PTPRK: variants seen among roughly 807,000 people sequenced by gnomAD.
PTPRK encodes receptor-type tyrosine-protein phosphatase kappa.
In PTPRK, 75 loss-of-function variants were observed where a neutral mutation model predicts 178.0. That is an observed-to-expected ratio of 0.42 (90% CI 0.35 to 0.51). The LOEUF is 0.51. PTPRK is among the 20% of genes least tolerant of loss of function. PTPRK has a pLI of 0.02. For missense variants in PTPRK, 1,441 were observed against 1,797.8 expected (o/e 0.80, Z 3.59); for synonymous variants, 637 against 620.6 (o/e 1.03, Z -0.39).
chr6:128,079,926 A>G (rs1784514650), intron 10 of PTPRK, among the ~76,000 whole-genome samples: 1 of 151,752 alleles, frequency 6.6e-6, no homozygotes, highest in Non-Finnish European at 1.5e-5. Flanking sequence ...TAGCCCCTCT[A>G]CCCTAGAGTT....
chr6:128,158,192 T>C (rs562706288), intron 7 of PTPRK, among the ~76,000 whole-genome samples: 1 of 151,682 alleles, frequency 6.6e-6, no homozygotes, highest in South Asian at 2.1e-4. Flanking sequence ...TTCTCACTCA[T>C]AGGTGGGAAT....
chr6:128,035,456 G>C (rs1339268907), intron 13 of PTPRK, among the ~76,000 whole-genome samples: 1 of 152,040 alleles, frequency 6.6e-6, no homozygotes, highest in Non-Finnish European at 1.5e-5. Flanking sequence ...ATGTCATCTG[G>C]ACACAAAACG....
intron 7 of PTPRK, among the ~76,000 whole-genome samples, chr6:128,156,141 TTAAAC>T (rs1472680422): frequency 1.3e-5 from 2 of 151,942 alleles, no homozygotes; most frequent in Non-Finnish European, 2.9e-5. Context: ...TATGTATTCT[TTAAAC>T]TATATGTCAT....
intron 14 of PTPRK, chr6:128,007,998 G>C: frequency 2.5e-6 from 3 of 1,214,306 alleles, no homozygotes; most frequent in Non-Finnish European, 3.4e-6. Flanking sequence ...CACTATTTGG[G>C]GAAAGCACGT....
chr6:128,332,203 G>A (rs910521043), intron 2 of PTPRK, among the ~76,000 whole-genome samples: 6 of 152,064 alleles, frequency 3.9e-5, no homozygotes, highest in Non-Finnish European at 7.4e-5. Context: ...TTACTTTGAC[G>A]AACAAAATTT....
rs1440214368 is a variant in PTPRK at position 128,463,770 on chromosome 6, A to G, written c.100+56489T>C. On this transcript the variant is annotated intron_variant, in intron 1 of 29. Transcript: ENST00000368226. Reference sequence around the variant, plus strand: ...TTTTTTTTTTTTTTTTTTTTTTTTGAGACAGAGTTTCACTCTTGTCACCCA... The same window carrying G: ...TTTTTTTTTTTTTTTTTTTTTTTTGGGACAGAGTTTCACTCTTGTCACCCA... 1.6e-4 allele frequency among the ~76,000 whole-genome samples: 6 copies of G among 38,350 alleles called. No individual in the cohort carries two copies. In the East Asian group the frequency reaches 3.7e-3, roughly 24 times the overall value. 25.2% of individuals were successfully genotyped at this position (38,350 alleles called of 152,430 possible). A position where few individuals can be genotyped will look rare whatever the true frequency, so the allele number is the denominator to read the frequency against.
At chr6:128,455,952 T>A (rs1377784221) in intron 1 of PTPRK, among the ~76,000 whole-genome samples, 1 of 152,090 alleles carries the variant, frequency 6.6e-6, no homozygotes, top group African/African-American at 2.4e-5. Context: ...AGCCATATAA[T>A]CTACAATGTG....
intron 7 of PTPRK, among the ~76,000 whole-genome samples, chr6:128,174,687 T>C (rs977588310): frequency 6.6e-6 from 1 of 151,902 alleles, no homozygotes; most frequent in African/African-American, 2.4e-5. Context: ...TTGATTTTTA[T>C]TTTATAGATG....
chr6:128,410,067 T>C (rs1436001634), intron 1 of PTPRK, among the ~76,000 whole-genome samples: 1 of 152,216 alleles, frequency 6.6e-6, no homozygotes, highest in Non-Finnish European at 1.5e-5. Context: ...GTCTACGATT[T>C]GGTTATTACC....
At chr6:128,316,709 C>CTT (rs11296650) in intron 3 of PTPRK, among the ~76,000 whole-genome samples, 1,402 of 133,466 alleles carry the variant, frequency 0.011, 17 homozygotes, top group African/African-American at 0.035. Flanking sequence ...TAAGCTTTTT[C>CTT]TTTTTTTTTT....
chr6:128,129,054 T>A (rs1471646405), intron 7 of PTPRK, among the ~76,000 whole-genome samples: 1 of 152,380 alleles, frequency 6.6e-6, no homozygotes, highest in East Asian at 1.9e-4. Context: ...ATACTGCTTA[T>A]GTGAACCACG....
chr6:128,379,023 TAAGA>T (rs1837495643), intron 2 of PTPRK, among the ~76,000 whole-genome samples: 1 of 152,136 alleles, frequency 6.6e-6, no homozygotes, highest in Admixed American at 6.5e-5. Context: ...AAGGCACTAT[TAAGA>T]AAGAAAGAAT....
chr6:128,478,903 G>A (rs1270076848), intron 1 of PTPRK, among the ~76,000 whole-genome samples: 1 of 152,032 alleles, frequency 6.6e-6, no homozygotes, highest in Non-Finnish European at 1.5e-5. Flanking sequence ...CAGGTGAGTT[G>A]AGCAACCAGC....
At chr6:128,117,120 T>C (rs1220930850) in intron 7 of PTPRK, among the ~76,000 whole-genome samples, 2 of 151,842 alleles carry the variant, frequency 1.3e-5, no homozygotes, top group African/African-American at 2.4e-5. Context: ...CACTCCAGCC[T>C]GGGAGACAGA....
intron 1 of PTPRK, among the ~76,000 whole-genome samples, chr6:128,511,215 T>C (rs1857136035): frequency 6.6e-6 from 1 of 152,322 alleles, no homozygotes; most frequent in South Asian, 2.1e-4. Context: ...CTTTCCTCTC[T>C]TTCTCTTCCA....
intron 13 of PTPRK, among the ~76,000 whole-genome samples, chr6:128,034,563 A>T (rs1775894266): frequency 6.6e-6 from 1 of 152,202 alleles, no homozygotes; most frequent in Non-Finnish European, 1.5e-5. Flanking sequence ...GGGGAAAAAA[A>T]TCAAAAGCAA....
At chr6:128,069,208 C>T (rs1782379643) in intron 11 of PTPRK, among the ~76,000 whole-genome samples, 1 of 151,984 alleles carries the variant, frequency 6.6e-6, no homozygotes, top group South Asian at 2.1e-4. Context: ...TAAAATATTG[C>T]TAATAAATCA....
At chr6:128,246,671 AGGTC>A (rs1815521215) in intron 3 of PTPRK, among the ~76,000 whole-genome samples, 1 of 152,234 alleles carries the variant, frequency 6.6e-6, no homozygotes, top group Admixed American at 6.5e-5. Context: ...GCTAATGCTC[AGGTC>A]AGATCTAATG....
In PTPRK at chr6:128,132,614, G is replaced by GA. The variant is rs1202422357; in HGVS notation, c.1163-42623dup. The stretch of plus-strand genomic sequence containing the variant: ...TAAATCTTTCCTGTATTACGCTGAT[G>GA]ACACCACTACTATGTGAACAAAACA... On this transcript the variant is annotated intron_variant, in intron 7 of 29. Coordinates refer to ENST00000368226, the MANE Select transcript of PTPRK (RefSeq NM_002844.4). Among the ~76,000 whole-genome samples the GA allele has an allele frequency of 2.0e-5, 3 of 152,210 alleles. 1 individual carries two copies. Among genetic ancestry groups the GA allele is most frequent in the Admixed American group, 2.0e-4 (3 of 15,286 alleles).
Sources: gnomAD v4.1 joint callset for allele counts (sites outside exome capture counted in the v4.1 genomes callset) on GRCh38, gnomAD v4.1.1 for gene constraint, MANE v1.5 for transcripts, NCBI Gene and HGNC (gene_info 2026-07-23, HGNC 2026-07-21) for gene names.